Variants in PSMC5 observed in about 807,000 individuals in gnomAD.
PSMC5 encodes 26S proteasome regulatory subunit 8.
A neutral mutation model predicts 49.1 loss-of-function variants in PSMC5; 11 were observed. That is an observed-to-expected ratio of 0.22 (90% confidence interval 0.14 to 0.37). PSMC5 has a LOEUF of 0.37. PSMC5 is among the 10% of genes least tolerant of loss of function. The pLI is 1.00. For missense variants in PSMC5, 229 were observed against 520.9 expected, an observed-to-expected ratio of 0.44 and a Z score of 5.45; for synonymous variants, 206 against 192.2, an observed-to-expected ratio of 1.07 and a Z score of -0.59.
In PSMC5 at chr17:63,831,104, G is replaced by A; in HGVS notation, c.748G>A (p.Glu250Lys). The A allele has an allele frequency of 6.4e-7, 1 of 1,566,244 alleles. No individual in the cohort carries two copies. The highest frequency in any genetic ancestry group is 8.7e-7 in the Non-Finnish European group (1 of 1,155,462). The change falls in exon 8 of 12, where the codon GAA becomes AAA. Residue 250 changes from glutamate to lysine, a missense_variant. Physicochemically the swap from Glu to Lys is moderately conservative, Grantham distance 56 (BLOSUM62 1). Transcript: ENST00000310144. The surrounding 1 kb of genome is among the most constrained non-coding windows in gnomAD (Gnocchi z 6.3). ...TGCTCCATCTATCATCTTCATGGAC[G>A]AAATCGACTCCATCGGCTCCTCGCG... ...EHAPSIIFMDEIDSIGSSRLE... is the reference protein window; with the variant it reads ...EHAPSIIFMDKIDSIGSSRLE...
rs13030 is a variant in PSMC5, at chr17:63,831,196, C to T, written c.840C>T (p.Leu280=). 0.35 allele frequency: 538,164 copies of T among 1,558,958 alleles called. 97,850 individuals are homozygous for T. The highest frequency in any genetic ancestry group is 0.55 in the South Asian group (45,981 of 83,074). ...CGATGCTGGAGTTGCTCAACCAGCT[C>T]GACGGCTTTGAGGCCACCAAGAACA... The part of the protein sequence containing the change: ...QRTMLELLNQ[L]DGFEATKNIK... The change falls in exon 8 of 12, where the codon CTC becomes CTT. Residue 280 remains leucine, a synonymous_variant. Transcript: ENST00000310144. The surrounding 1 kb of genome is among the most constrained non-coding windows in gnomAD (Gnocchi z 6.3).
At position 63,830,628 on chromosome 17, in the gene PSMC5, A is replaced by T; in HGVS notation, c.552+127A>T. ...CTTGCTTGGGCTGGCCCTCCCCCTG[A>T]AAAGAGTGGCTGGGGAAGTGTTCCT... On this transcript the variant is annotated intron_variant, in intron 6 of 11. Coordinates refer to ENST00000310144, the MANE Select transcript of PSMC5 (RefSeq NM_002805.6). This position sits in a 1 kb window ranked among gnomAD's most constrained non-coding sequence, Gnocchi z 4.0. 1 of 1,487,216 alleles carries T rather than the reference A, an allele frequency of 6.7e-7. No individual in the cohort carries two copies. The highest frequency in any genetic ancestry group is 9.0e-7 in the Non-Finnish European group (1 of 1,115,936). The allele number at this position is 1,487,216 out of a possible 1,614,324, so 92.1% of individuals were successfully genotyped here. A position where few individuals can be genotyped will look rare whatever the true frequency, so the allele number is the denominator to read the frequency against.
Position 63,831,773 on chromosome 17 carries a change from A to G in PSMC5, c.1130A>G (p.His377Arg), listed in dbSNP as rs1259826806. 5 of 1,614,168 alleles carry G rather than the reference A, an allele frequency of 3.1e-6. No homozygotes were observed. Among genetic ancestry groups the G allele is most frequent in the South Asian group, 1.1e-5 (1 of 91,086 alleles). The change falls in exon 11 of 12, where the codon CAT becomes CGT. Residue 377 changes from histidine (H) to arginine (R), a missense_variant. His to Arg is a conservative substitution (Grantham distance 29). Transcript: ENST00000310144. The surrounding 1 kb of genome is among the most constrained non-coding windows in gnomAD (Gnocchi z 6.3). ...TATGCCCTGCGAGAACGGCGAGTCC[A>G]TGTCACTCAGGAGGACTTTGAGATG... is the stretch of plus-strand genomic sequence containing the variant. Reference protein sequence around the residue: ...GMYALRERRVHVTQEDFEMAV... With the variant: ...GMYALRERRVRVTQEDFEMAV...
chr17:63,830,063 A>T lies in PSMC5; in HGVS notation c.265-70A>T. 6.3e-7 allele frequency: 1 copy of T among 1,582,392 alleles called. No individual in the cohort carries two copies. ...TCTGTCAAGGTATTGTGGGATTCTC[A>T]TAGGTCTTCCTGGGTAGGATTAGTG... On this transcript the variant is annotated intron_variant, in intron 4 of 11. Transcript: ENST00000310144. The surrounding 1 kb of genome is among the most constrained non-coding windows in gnomAD (Gnocchi z 4.0).
chr17:63,830,471 C>A lies in PSMC5; in HGVS notation c.522C>A (p.Leu174=). Residue 174 remains leucine (L), a synonymous_variant, in exon 6 of 12, where the codon CTC becomes CTA. Coordinates refer to ENST00000310144, the MANE Select transcript of PSMC5 (RefSeq NM_002805.6). This position sits in a 1 kb window ranked among gnomAD's most constrained non-coding sequence, Gnocchi z 4.0. ...AGCTGCCTGTTAAGCATCCTGAGCT[C>A]TTCGAAGCACTGGGCATTGCTCAGC... ...VIELPVKHPE[L]FEALGIAQPK... 6.2e-7 allele frequency: 1 copy of A among 1,614,086 alleles called. No homozygotes were observed. The highest frequency in any genetic ancestry group is 1.7e-5 in the Admixed American group (1 of 60,026).
intron 1 of PSMC5, chr17:63,827,761 GCC>G: frequency 1.4e-6 from 2 of 1,432,202 alleles, no homozygotes; most frequent in Non-Finnish European, 1.8e-6. Flanking sequence ...CGCGGGAATG[GCC>G]GGCCCACGGG....
rs1460123701 is a variant in PSMC5 at position 63,831,991 on chromosome 17, C to T, written c.*22C>T. The T allele has an allele frequency of 6.2e-7, 1 of 1,609,000 alleles. No individual in the cohort carries two copies. Among genetic ancestry groups the T allele is most frequent in the Non-Finnish European group, 8.5e-7 (1 of 1,175,436 alleles). On this transcript the variant is annotated 3_prime_UTR_variant, in exon 12 of 12. Coordinates refer to ENST00000310144, the MANE Select transcript of PSMC5 (RefSeq NM_002805.6). This position sits in a 1 kb window ranked among gnomAD's most constrained non-coding sequence, Gnocchi z 6.3. ...GTGAGTGGACAGCCTTTGTGTGTAT[C>T]TCTCCAATAAAGCTCTGTGGGCCAA...
Position 63,829,302 on chromosome 17 carries a change from T to G in PSMC5, c.97-192T>G, listed in dbSNP as rs2040152093. 5.2e-6 allele frequency: 3 copies of G among 574,600 alleles called. No homozygotes were observed. The African/African-American group carries it at 5.6e-5, about 11-fold the overall frequency. 35.6% of individuals were successfully genotyped at this position (574,600 alleles called of 1,614,324 possible). A position where few individuals can be genotyped will look rare whatever the true frequency, so the allele number is the denominator to read the frequency against. ...TGGACAAGCAGCCTTCTTTGATGGC[T>G]GCTGTAAGGTCCAGAGGGACTCTTG... On this transcript the variant is annotated intron_variant, in intron 2 of 11. Coordinates refer to ENST00000310144, the MANE Select transcript of PSMC5 (RefSeq NM_002805.6).
chr17:63,829,719 C>T (rs548498999), intron 3 of PSMC5, 133 bp from the exon 4 acceptor site: 2 of 1,218,200 alleles, frequency 1.6e-6, no homozygotes, highest in South Asian at 1.3e-5. Flanking sequence ...CCTATTGTAG[C>T]CTCCTTAAAT....
At chr17:63,827,909 T>C in intron 1 of PSMC5, 2 of 1,402,068 alleles carry the variant, frequency 1.4e-6, no homozygotes, top group Non-Finnish European at 1.9e-6. Flanking sequence ...TCGGTCCTCC[T>C]AAAAGTCGTA....
At chr17:63,827,553 C>T (rs2040123831) in intron 1 of PSMC5, 39 bp downstream of exon 1, 1 of 1,550,108 alleles carries the variant, frequency 6.5e-7, no homozygotes, top group Non-Finnish European at 8.7e-7. Context: ...GGTTACGGGG[C>T]TGGGTGCGGA....
chr17:63,830,396 G>A lies in PSMC5; in HGVS notation c.447G>A (p.Glu149=). The A allele has an allele frequency of 6.2e-7, 1 of 1,614,236 alleles. No homozygotes were observed. Among genetic ancestry groups the A allele is most frequent in the Admixed American group, 1.7e-5 (1 of 60,024 alleles). Residue 149 remains glutamate, a synonymous_variant, in exon 6 of 12, where the codon GAG becomes GAA. Coordinates refer to ENST00000310144, the MANE Select transcript of PSMC5 (RefSeq NM_002805.6). This position sits in a 1 kb window ranked among gnomAD's most constrained non-coding sequence, Gnocchi z 4.0. The part of the protein sequence containing the change: ...MVEKVPDSTY[E]MIGGLDKQIK... ...AGAAAGTACCAGATTCAACTTATGA[G>A]ATGATTGGTGGACTGGACAAACAGA... is the stretch of plus-strand genomic sequence containing the variant.
At chr17:63,828,058 C>A in intron 1 of PSMC5, 80 bp from the exon 2 acceptor site, 1 of 1,526,650 alleles carries the variant, frequency 6.6e-7, no homozygotes, top group Non-Finnish European at 9.0e-7. Context: ...TGGTGTCAAG[C>A]CTTATTCAAA....
Position 63,831,440 on chromosome 17 carries a change from CTG to C in PSMC5, c.969+18_969+19del, listed in dbSNP as rs747934722. The C allele has an allele frequency of 6.2e-7, 1 of 1,613,370 alleles. No individual in the cohort carries two copies. The highest frequency in any genetic ancestry group is 1.1e-5 in the South Asian group (1 of 91,072). On this transcript the variant is annotated intron_variant, in intron 9 of 11. Coordinates refer to ENST00000310144, the MANE Select transcript of PSMC5 (RefSeq NM_002805.6). This position sits in a 1 kb window ranked among gnomAD's most constrained non-coding sequence, Gnocchi z 6.3. ...CCAATGAGGAGGTTTGTGATGGACA[CTG>C]TGCAAAGTGGCTCTGGCTGTGGGGG...
chr17:63,827,560 C>T (rs756249885), intron 1 of PSMC5, 46 bp downstream of exon 1: 634 of 1,550,530 alleles, frequency 4.1e-4, no homozygotes, highest in Non-Finnish European at 4.7e-4. Context: ...GGGCTGGGTG[C>T]GGAGCGAGCG....
At chr17:63,828,106 C>T (rs375267326) in intron 1 of PSMC5, 32 bp from the exon 2 acceptor site, 25 of 1,613,058 alleles carry the variant, frequency 1.5e-5, no homozygotes, top group Non-Finnish European at 1.9e-5. Context: ...GGATGTTTAA[C>T]CTGTCGTTTA....
In PSMC5 at chr17:63,828,192, A is replaced by G; in HGVS notation, c.79A>G (p.Lys27Glu). ...GSGLRQYYLS[K>E]IEELQLIVND... ...CGGACTCCGCCAATATTATCTGTCC[A>G]AGATTGAAGAACTCCAGGTGAGGAC... is the stretch of plus-strand genomic sequence containing the variant. The change falls in exon 2 of 12, where the codon AAG (lysine) becomes GAG (glutamate). Residue 27 changes from lysine (K) to glutamate (E), a missense_variant. Coordinates refer to ENST00000310144, the MANE Select transcript of PSMC5 (RefSeq NM_002805.6). The G allele has an allele frequency of 6.2e-7, 1 of 1,614,074 alleles. No homozygotes were observed. Among genetic ancestry groups the G allele is most frequent in the Non-Finnish European group, 8.5e-7 (1 of 1,180,010 alleles).
At position 63,831,128 on chromosome 17, in the gene PSMC5, C is replaced by T. The variant is rs11543211; in HGVS notation, c.772C>T (p.Arg258Trp). Residue 258 changes from arginine (R) to tryptophan (W), a missense_variant, in exon 8 of 12, where the codon CGG becomes TGG. By Grantham distance (101) the Arg-to-Trp change is moderately radical. Transcript: ENST00000310144. The surrounding 1 kb of genome is among the most constrained non-coding windows in gnomAD (Gnocchi z 6.3). ...MDEIDSIGSS[R>W]LEGGSGGDSE... is the part of the protein sequence containing the mutation. ...CGAAATCGACTCCATCGGCTCCTCGCGGCTGGAGGGGGGTTCTGGAGGGGA... is the reference window on the plus strand; with the variant it reads ...CGAAATCGACTCCATCGGCTCCTCGTGGCTGGAGGGGGGTTCTGGAGGGGA... 1.3e-6 allele frequency: 2 copies of T among 1,567,730 alleles called. No homozygotes were observed. Among genetic ancestry groups the T allele is most frequent in the Non-Finnish European group, 1.7e-6 (2 of 1,156,186 alleles).
chr17:63,827,920 T>C, intron 1 of PSMC5: 1 of 1,374,112 alleles, frequency 7.3e-7, no homozygotes, highest in Non-Finnish European at 9.6e-7. Flanking sequence ...AAAAGTCGTA[T>C]GAGGTAGGCG....
Sources: gnomAD v4.1 joint callset for allele counts on GRCh38, gnomAD v4.1.1 for gene constraint, Gnocchi (gnomAD v3.1) non-coding constraint, MANE v1.5 for transcripts, NCBI Gene and HGNC (gene_info 2026-07-23, HGNC 2026-07-21) for gene names.